Variants in ARHGEF15 observed in about 807,000 individuals in gnomAD.
ARHGEF15 encodes the protein Rho guanine nucleotide exchange factor (GEF) 15.
ARHGEF15 carries 58 observed loss-of-function variants against 79.7 expected under a neutral mutation model. That is an observed-to-expected ratio of 0.73 (90% CI 0.59 to 0.91). ARHGEF15 has a LOEUF of 0.91. Ranked by LOEUF, ARHGEF15 falls within the 40% of genes least tolerant of loss-of-function variation. ARHGEF15 has a pLI of 0.00. For synonymous variants in ARHGEF15, 442 were observed against 456.0 expected (o/e 0.97, Z 0.39); for missense variants, 1,012 against 1,108.1 (o/e 0.91, Z 1.23).
intron 9 of ARHGEF15, among the ~76,000 whole-genome samples, chr17:8,316,720 C>T (rs1191367701): frequency 6.6e-6 from 1 of 152,136 alleles, no homozygotes; most frequent in Non-Finnish European, 1.5e-5. Context: ...AAAAAGGCAA[C>T]TTAGTGGGGT....
At position 8,315,266 on chromosome 17, in the gene ARHGEF15, C is replaced by T. The variant is rs376034940; in HGVS notation, c.1249C>T (p.Arg417Cys). 1.9e-6 allele frequency: 3 copies of T among 1,612,726 alleles called. No homozygotes were observed. Among genetic ancestry groups the T allele is most frequent in the East Asian group, 2.2e-5 (1 of 44,862 alleles). Residue 417 changes from arginine to cysteine, a missense_variant, in exon 6 of 16, where the codon CGC becomes TGC. Around this residue, in one of 3 missense-constraint regions of ARHGEF15, gnomAD observed 818 missense variants for 882.5 expected, o/e 0.93. Transcript: ENST00000361926. This position sits in a 1 kb window ranked among gnomAD's most constrained non-coding sequence, Gnocchi z 4.3. ...LLDTLSPQERRMQESLFEVVT... is the reference protein window; with the variant it reads ...LLDTLSPQERCMQESLFEVVT... ...GGATACCCTCAGCCCCCAGGAGAGG[C>T]GCATGCAGGAGGTGGGAGCTGGAGG... is the stretch of plus-strand genomic sequence containing the variant.
intron 15 of ARHGEF15, among the ~76,000 whole-genome samples, chr17:8,320,571 C>T (rs1403351929): frequency 3.9e-5 from 6 of 151,962 alleles, no homozygotes; most frequent in Admixed American, 2.6e-4. Context: ...GATGGGATCA[C>T]GCAGGACCTG....
intron 4 of ARHGEF15, chr17:8,313,983 A>G (rs1189343234): frequency 6.5e-6 from 1 of 154,780 alleles, no homozygotes; most frequent in African/African-American, 2.4e-5. Context: ...GGGAGCCAAG[A>G]GCGTGCCACT....
chr17:8,313,592 C>G, intron 4 of ARHGEF15, 37 bp downstream of exon 4: 1 of 1,592,740 alleles, frequency 6.3e-7, no homozygotes, highest in Non-Finnish European at 8.5e-7. Flanking sequence ...CTGGTTCTCT[C>G]CCCACCATGC....
In ARHGEF15 at chr17:8,315,909, TGA is replaced by T. The variant is rs1567677201; in HGVS notation, c.1574+4_1574+5del. 5.0e-6 allele frequency: 8 copies of T among 1,608,322 alleles called. No homozygotes were observed. Among genetic ancestry groups the T allele is most frequent in the Non-Finnish European group, 6.8e-6 (8 of 1,179,912 alleles). ...GGAGGAGACCTACAGCCGCCTCATG[TGA>T]GTGTCCCAGGGGTGGGGAGGAAGCT... On this transcript the variant is annotated splice_donor_region_variant and intron_variant, in intron 8 of 15. Coordinates refer to ENST00000361926, the MANE Select transcript of ARHGEF15 (RefSeq NM_173728.4). This position sits in a 1 kb window ranked among gnomAD's most constrained non-coding sequence, Gnocchi z 4.3.
Position 8,315,371 on chromosome 17 carries a change from A to C in ARHGEF15, c.1261-43A>C. 1.2e-6 allele frequency: 2 copies of C among 1,612,890 alleles called. No homozygotes were observed. The highest frequency in any genetic ancestry group is 1.7e-6 in the Non-Finnish European group (2 of 1,179,356). ...GGAGGGCCCAGGGTCCTAGCTTCCC[A>C]CGGTGAACTGGGCTTCCCACGACTG... On this transcript the variant is annotated intron_variant, in intron 6 of 15. Transcript: ENST00000361926. This position sits in a 1 kb window ranked among gnomAD's most constrained non-coding sequence, Gnocchi z 4.3.
Position 8,312,353 on chromosome 17 carries a change from G to A in ARHGEF15, c.314G>A (p.Arg105Gln), listed in dbSNP as rs777484923. Residue 105 changes from arginine to glutamine, a missense_variant, in exon 2 of 16, where the codon CGG (arginine) becomes CAG (glutamine). Transcript: ENST00000361926. The stretch of plus-strand genomic sequence containing the variant: ...ACCCCCACACCTAGTCCAGTGTCCC[G>A]GCGCTCCGCCTCCCCAGAACCTGCT... ...SSTPTPSPVS[R>Q]RSASPEPAPR... is the part of the protein sequence containing the mutation. 2.9e-5 allele frequency: 47 copies of A among 1,596,284 alleles called. No individual in the cohort carries two copies. The highest frequency in any genetic ancestry group is 3.6e-5 in the Non-Finnish European group (42 of 1,171,810).
At position 8,312,017 on chromosome 17, in the gene ARHGEF15, TC is replaced by T. The variant is rs774550423; in HGVS notation, c.-21del. 1.3e-6 allele frequency: 2 copies of T among 1,549,138 alleles called. No homozygotes were observed. Among genetic ancestry groups the T allele is most frequent in the South Asian group, 2.5e-5 (2 of 80,340 alleles). On this transcript the variant is annotated 5_prime_UTR_variant, in exon 2 of 16. An upstream open reading frame in the 5' UTR gains an earlier in-frame stop. Transcript: ENST00000361926. ...GGATGACTCCAGCAGAGCACCTCAC[TC>T]CTTTGAAGAGCACAGAGGAAGATGT...
In ARHGEF15 at chr17:8,312,526, GGCC is replaced by G. The variant is rs764103901; in HGVS notation, c.489_491del (p.Arg164del). 2.5e-6 allele frequency: 4 copies of G among 1,610,640 alleles called. No homozygotes were observed. Among genetic ancestry groups the G allele is most frequent in the Non-Finnish European group, 3.4e-6 (4 of 1,178,430 alleles). ...TGGCAGGTTTGAAGGGGGTGCTGAA[GGCC>G]GGGCTCAGGATGCAGATGCCCCGGA... is the stretch of plus-strand genomic sequence containing the variant. On this transcript the variant is annotated inframe_deletion, in exon 2 of 16. Coordinates refer to ENST00000361926, the MANE Select transcript of ARHGEF15 (RefSeq NM_173728.4).
chr17:8,317,636 AG>A (rs1905110253), intron 9 of ARHGEF15, among the ~76,000 whole-genome samples: 1 of 152,240 alleles, frequency 6.6e-6, no homozygotes, highest in Non-Finnish European at 1.5e-5. Context: ...GACATGAGAA[AG>A]CTAAGGCACA....
intron 9 of ARHGEF15, among the ~76,000 whole-genome samples, chr17:8,316,823 C>T (rs1285242680): frequency 1.3e-5 from 2 of 152,214 alleles, no homozygotes; most frequent in Non-Finnish European, 2.9e-5. Context: ...GAGTCTCACT[C>T]CCAGGCTGGA....
chr17:8,315,965 C>A lies in ARHGEF15; in HGVS notation c.1575-54C>A. The A allele has an allele frequency of 1.9e-6, 3 of 1,599,074 alleles. No individual in the cohort carries two copies. Among genetic ancestry groups the A allele is most frequent in the Non-Finnish European group, 2.5e-6 (3 of 1,176,912 alleles). ...GAGAGGGATGGGACCGAGGCCACAG[C>A]AGGTTGGGGCACCAGGGCCTCCAGG... On this transcript the variant is annotated intron_variant, in intron 8 of 15. Coordinates refer to ENST00000361926, the MANE Select transcript of ARHGEF15 (RefSeq NM_173728.4). The surrounding 1 kb of genome is among the most constrained non-coding windows in gnomAD (Gnocchi z 4.3).
Position 8,315,533 on chromosome 17 carries a change from A to C in ARHGEF15, c.1380A>C (p.Thr460=). The C allele has an allele frequency of 6.2e-7, 1 of 1,611,148 alleles. No individual in the cohort carries two copies. The highest frequency in any genetic ancestry group is 8.5e-7 in the Non-Finnish European group (1 of 1,179,912). Residue 460 remains threonine (T), a synonymous_variant, in exon 7 of 16, where the codon ACA becomes ACC. Transcript: ENST00000361926. This position sits in a 1 kb window ranked among gnomAD's most constrained non-coding sequence, Gnocchi z 4.3. The part of the protein sequence containing the change: ...RDTLTPRDHH[T]LFSNVQRVQG... ...CGCTCACCCCCCGTGATCACCACAC[A>C]CTCTTCTCCAATGTGCAGCGAGTCC...
In ARHGEF15 at chr17:8,313,491, C is replaced by T; in HGVS notation, c.935-10C>T. The T allele has an allele frequency of 6.2e-7, 1 of 1,610,388 alleles. No homozygotes were observed. Among genetic ancestry groups the T allele is most frequent in the South Asian group, 1.1e-5 (1 of 90,230 alleles). On this transcript the variant is annotated splice_polypyrimidine_tract_variant and intron_variant, in intron 3 of 15. Coordinates refer to ENST00000361926, the MANE Select transcript of ARHGEF15 (RefSeq NM_173728.4). Reference sequence around the variant, plus strand: ...TTTTTTTTTCTCTTCACTCTGGCTTCTCTCTCCAGGGGACAGTCCTGATGA... The same window carrying T: ...TTTTTTTTTCTCTTCACTCTGGCTTTTCTCTCCAGGGGACAGTCCTGATGA...
chr17:8,313,404 G>A (rs1904801034), intron 3 of ARHGEF15, 97 bp from the exon 4 acceptor site: 1 of 1,525,244 alleles, frequency 6.6e-7, no homozygotes. Flanking sequence ...GAGAGTTGCA[G>A]TTTTTATAGT....
Position 8,319,356 on chromosome 17 carries a change from C to T in ARHGEF15, c.2231C>T (p.Pro744Leu), listed in dbSNP as rs1033497306. 3 of 1,613,990 alleles carry T rather than the reference C, an allele frequency of 1.9e-6. No individual in the cohort carries two copies. Among genetic ancestry groups the T allele is most frequent in the Non-Finnish European group, 2.5e-6 (3 of 1,180,024 alleles). The stretch of plus-strand genomic sequence containing the variant: ...CTGGGAGCCTTCCCAACCCCAGGCC[C>T]CCTTCCCTGCTCCCCAGACACCATC... ...RWLGAFPTPG[P>L]LPCSPDTIYE... Residue 744 changes from proline to leucine, a missense_variant, in exon 14 of 16, where the codon CCC becomes CTC. Physicochemically the swap from Pro to Leu is moderately conservative, Grantham distance 98. Around this residue, in one of 3 missense-constraint regions of ARHGEF15, gnomAD observed 132 missense variants for 124.2 expected, o/e 1.06. Coordinates refer to ENST00000361926, the MANE Select transcript of ARHGEF15 (RefSeq NM_173728.4).
rs115065009 is a variant in ARHGEF15 at position 8,312,437 on chromosome 17, C to T, written c.398C>T (p.Pro133Leu). 2.2e-3 allele frequency: 3,560 copies of T among 1,613,806 alleles called. 16 individuals carry two copies. The highest frequency in any genetic ancestry group is 3.3e-3 in the South Asian group (296 of 91,072). The change falls in exon 2 of 16, where the codon CCC becomes CTC. Residue 133 changes from proline to leucine, a missense_variant. By Grantham distance (98) the Pro-to-Leu change is moderately conservative. Transcript: ENST00000361926. ...GGGTCACCCTGCACGCCTCTGCTCC[C>T]CATGGCTGGAGTCCTGGCTCAGAAT... ...PSGSPCTPLL[P>L]MAGVLAQNGS...
rs1203317716 is a variant in ARHGEF15, at chr17:8,313,507, G to A, written c.941G>A (p.Ser314Asn). Residue 314 changes from serine to asparagine, a missense_variant, in exon 4 of 16, where the codon AGT becomes AAT. Ser to Asn is a conservative substitution (Grantham distance 46, BLOSUM62 1). Around this residue, in one of 3 missense-constraint regions of ARHGEF15, gnomAD observed 818 missense variants for 882.5 expected, o/e 0.93. Transcript: ENST00000361926. ...LSEDGIQTGD[S>N]PDEAPQNTPP... ...CTCTGGCTTCTCTCTCCAGGGGACA[G>A]TCCTGATGAAGCTCCTCAGAATACT... is the stretch of plus-strand genomic sequence containing the variant. 3 of 1,613,448 alleles carry A rather than the reference G, an allele frequency of 1.9e-6. No homozygotes were observed. Among genetic ancestry groups the A allele is most frequent in the Non-Finnish European group, 2.5e-6 (3 of 1,179,900 alleles).
chr17:8,314,832 G>A, intron 4 of ARHGEF15, 74 bp from the exon 5 acceptor site: 3 of 1,580,056 alleles, frequency 1.9e-6, no homozygotes, highest in Non-Finnish European at 2.6e-6. Context: ...GCCCTGTCCA[G>A]CATGAGAACA....
Sources: gnomAD v4.1 joint callset for allele counts (sites outside exome capture counted in the v4.1 genomes callset) on GRCh38, gnomAD v4.1.1 for gene constraint, gnomAD v4.1.1 regional missense constraint, Gnocchi (gnomAD v3.1) non-coding constraint, MANE v1.5 for transcripts, NCBI Gene and HGNC (gene_info 2026-07-23, HGNC 2026-07-21) for gene names.